Variants in INSR observed in about 807,000 individuals in gnomAD.
The protein encoded by INSR is insulin receptor, also known as IR.
Under a neutral mutation model 142.6 loss-of-function variants are expected in INSR, and 67 were observed. That is an observed-to-expected ratio of 0.47 (90% confidence interval 0.39 to 0.58). The LOEUF (loss-of-function observed/expected upper bound fraction) is 0.58, where lower values mean the gene tolerates loss of function less well. INSR is among the 20% of genes least tolerant of loss of function. The pLI, the probability that INSR is intolerant of heterozygous loss-of-function variation, is 0.00. For missense variants in INSR, 1,248 were observed against 1,833.2 expected (o/e 0.68, Z 5.83); for synonymous variants, 756 against 743.1 (o/e 1.02, Z -0.28).
intron 13 of INSR, among the ~76,000 whole-genome samples, chr19:7,135,304 C>CTTTTT (rs34080394): frequency 2.7e-4 from 16 of 60,052 alleles, no homozygotes; most frequent in South Asian, 8.0e-4. Flanking sequence ...AATGCATCTT[C>CTTTTT]TTTTTTTTTT....
chr19:7,214,231 A>T (rs750001533), intron 2 of INSR, among the ~76,000 whole-genome samples: 2 of 152,038 alleles, frequency 1.3e-5, no homozygotes, highest in East Asian at 1.9e-4. Context: ...GGAGGCAATG[A>T]CCTCTTTCCT....
At chr19:7,117,474 C>A in intron 21 of INSR, 64 bp from the exon 22 acceptor site, 1 of 1,278,088 alleles carries the variant, frequency 7.8e-7, no homozygotes, top group Non-Finnish European at 1.1e-6. Context: ...CTCCCAAACC[C>A]CCACTCTTGT....
At chr19:7,212,683 T>G (rs538643538) in intron 2 of INSR, among the ~76,000 whole-genome samples, 193 of 152,144 alleles carry the variant, frequency 1.3e-3, no homozygotes, top group Non-Finnish European at 2.4e-3. Flanking sequence ...CCTCCCGGGT[T>G]CAAGCGATTC....
chr19:7,132,525 T>C (rs1341339274), intron 13 of INSR, among the ~76,000 whole-genome samples: 2 of 152,142 alleles, frequency 1.3e-5, no homozygotes, highest in Non-Finnish European at 2.9e-5. Context: ...AGGTTATCAT[T>C]ATCGGTAAGA....
At chr19:7,241,177 GTT>G (rs80160830) in intron 2 of INSR, among the ~76,000 whole-genome samples, 23,430 of 137,580 alleles carry the variant, frequency 0.17, 2,021 homozygotes, top group Non-Finnish European at 0.19. Context: ...ATTTTATTTT[GTT>G]TTTTTTTTTT....
intron 2 of INSR, among the ~76,000 whole-genome samples, chr19:7,204,848 A>G (rs552486289): frequency 6.6e-6 from 1 of 152,352 alleles, no homozygotes; most frequent in South Asian, 2.1e-4. Flanking sequence ...TGGGAGGCCG[A>G]GGCGGGCAGA....
rs1387077152 is a variant in INSR, at chr19:7,250,448, GAAAGAAAAGGAAGAAAAGAAAGAAAGAA to G, written c.652+16869_652+16896del. On this transcript the variant is annotated intron_variant, in intron 2 of 21. Coordinates refer to ENST00000302850, the MANE Select transcript of INSR (RefSeq NM_000208.4). ...AAGGAAGAAAGAAGAAAAGAAAGAA[GAAAGAAAAGGAAGAAAAGAAAGAAAGAA>G]AAGAAAGAGAAGGAAGGAAGGAAAG... Among the ~76,000 whole-genome samples, 2 of 81,308 alleles carry G rather than the reference GAAAGAAAAGGAAGAAAAGAAAGAAAGAA, an allele frequency of 2.5e-5. 1 individual carries two copies. The highest frequency in any genetic ancestry group is 7.7e-4 in the East Asian group (2 of 2,610). The allele number at this position is 81,308 out of a possible 152,430, so 53.3% of individuals were successfully genotyped here.
intron 2 of INSR, among the ~76,000 whole-genome samples, chr19:7,222,898 ACTGT>A (rs1051105645): frequency 3.3e-5 from 5 of 152,100 alleles, no homozygotes; most frequent in Admixed American, 3.3e-4. Flanking sequence ...ACTGGCTAAA[ACTGT>A]CTGGGCACTG....
In INSR at chr19:7,166,377, G is replaced by T. The variant is rs2229429; in HGVS notation, c.1638C>A (p.Asp546Glu). ...TGTTGGAACCACACGCATCCTGCCCGTCGAACTCCGTCACATTCTGATAAG... is the reference window on the plus strand; with the variant it reads ...TGTTGGAACCACACGCATCCTGCCCTTCGAACTCCGTCACATTCTGATAAG... Reference protein sequence around the residue: ...EAPYQNVTEFDGQDACGSNSW... With the variant: ...EAPYQNVTEFEGQDACGSNSW... Residue 546 changes from aspartate (D) to glutamate (E), a missense_variant, in exon 8 of 22, where the codon GAC becomes GAA. By Grantham distance (45) the Asp-to-Glu change is conservative (BLOSUM62 2). Around this residue, in one of 3 missense-constraint regions of INSR, gnomAD observed 1,069 missense variants for 1,654.0 expected, o/e 0.65. Coordinates refer to ENST00000302850, the MANE Select transcript of INSR (RefSeq NM_000208.4). This position sits in a 1 kb window ranked among gnomAD's most constrained non-coding sequence, Gnocchi z 4.1. 11 of 1,613,616 alleles carry T rather than the reference G, an allele frequency of 6.8e-6. No individual in the cohort carries two copies.
Position 7,184,567 on chromosome 19 carries a change from G to A in INSR, c.723C>T (p.Gly241=). 1 of 1,613,662 alleles carries A rather than the reference G, an allele frequency of 6.2e-7. No homozygotes were observed. The highest frequency in any genetic ancestry group is 8.5e-7 in the Non-Finnish European group (1 of 1,179,978). Residue 241 remains glycine, a synonymous_variant, in exon 3 of 22, where the codon GGC becomes GGT. Transcript: ENST00000302850. The part of the protein sequence containing the change: ...EGLCCHSECL[G]NCSQPDDPTK... The stretch of plus-strand genomic sequence containing the variant: ...TGGGGTCGTCGGGCTGAGAACAGTT[G>A]CCCAGGCACTCGCTGTGGCAACAGA...
chr19:7,135,061 G>C (rs1450295414), intron 13 of INSR, among the ~76,000 whole-genome samples: 3 of 145,854 alleles, frequency 2.1e-5, no homozygotes, highest in Non-Finnish European at 3.0e-5. Context: ...TTAGGAGGGG[G>C]GTGGAGAGTG....
At chr19:7,173,274 C>T (rs986826701) in intron 4 of INSR, among the ~76,000 whole-genome samples, 4 of 152,108 alleles carry the variant, frequency 2.6e-5, no homozygotes, top group African/African-American at 9.7e-5. Flanking sequence ...AGTACATGTT[C>T]GCTAAAGAAA....
chr19:7,117,153 A>C lies in INSR; in HGVS notation c.4052T>G (p.Phe1351Cys). The part of the protein sequence containing the change: ...GGRDGGSSLG[F>C]KRSYEEHIPY... ...GATGTGTTCCTCGTAGCTCCGCTTG[A>C]AACCCAGCGAGGACCCTCCATCCCG... The change falls in exon 22 of 22, where the codon TTC becomes TGC. Residue 1351 changes from phenylalanine (F) to cysteine (C), a missense_variant. By Grantham distance (205) the Phe-to-Cys change is radical. This residue lies in a region of INSR where 122 missense variants were observed against 129.8 expected (regional missense o/e 0.94). Transcript: ENST00000302850. 1 of 1,613,940 alleles carries C rather than the reference A, an allele frequency of 6.2e-7. No homozygotes were observed. Among genetic ancestry groups the C allele is most frequent in the Non-Finnish European group, 8.5e-7 (1 of 1,179,944 alleles).
intron 1 of INSR, among the ~76,000 whole-genome samples, chr19:7,283,430 AGTTTT>A (rs1369173579): frequency 6.6e-6 from 1 of 152,022 alleles, no homozygotes; most frequent in Non-Finnish European, 1.5e-5. Flanking sequence ...ACAAACCCAC[AGTTTT>A]GTTTGGTTTG....
At chr19:7,230,828 AT>A (rs1975950684) in intron 2 of INSR, among the ~76,000 whole-genome samples, 3 of 150,792 alleles carry the variant, frequency 2.0e-5, no homozygotes, top group Non-Finnish European at 3.0e-5. Flanking sequence ...AAAATAAAAA[AT>A]ATTAGCTCAA....
At chr19:7,211,595 A>C (rs927046437) in intron 2 of INSR, among the ~76,000 whole-genome samples, 3 of 152,212 alleles carry the variant, frequency 2.0e-5, no homozygotes, top group African/African-American at 4.8e-5. Context: ...CAACAAAAGA[A>C]AAGTGCACCA....
At position 7,152,474 on chromosome 19, in the gene INSR, G is replaced by A. The variant is rs1382875285; in HGVS notation, c.2231+252C>T. 7 of 545,822 alleles carry A rather than the reference G, an allele frequency of 1.3e-5. No homozygotes were observed. In the African/African-American group the frequency reaches 1.3e-4, roughly 10 times the overall value. 33.8% of individuals were successfully genotyped at this position (545,822 alleles called of 1,614,324 possible). A position where few individuals can be genotyped will look rare whatever the true frequency, so the allele number is the denominator to read the frequency against. ...TCACGTGGAGACCAGCTCAGGAGAG[G>A]TAAGAAAGGCAAATGCTGAGTTTTG... On this transcript the variant is annotated intron_variant, in intron 10 of 21. Transcript: ENST00000302850.
intron 11 of INSR, among the ~76,000 whole-genome samples, chr19:7,147,920 AT>A (rs112216137): frequency 3.0e-4 from 44 of 148,686 alleles, no homozygotes; most frequent in African/African-American, 6.1e-4. Flanking sequence ...GCATCAACTG[AT>A]TTTTTTTTTT....
At chr19:7,180,759 C>T (rs1433498542) in intron 3 of INSR, among the ~76,000 whole-genome samples, 3 of 151,844 alleles carry the variant, frequency 2.0e-5, no homozygotes, top group African/African-American at 4.8e-5. Context: ...CAGAGGAAAG[C>T]GGATGTAGCA....
Sources: allele counts gnomAD v4.1 joint callset (sites outside exome capture counted in the v4.1 genomes callset), GRCh38; gene constraint gnomAD v4.1.1; regional missense constraint gnomAD v4.1.1; non-coding constraint Gnocchi (gnomAD v3.1); transcripts MANE v1.5; gene names NCBI Gene and HGNC (gene_info 2026-07-23, HGNC 2026-07-21).